Variants in STXBP5L observed in about 807,000 individuals in gnomAD.
STXBP5L encodes syntaxin binding protein 5L, also known as syntaxin-binding protein 5-like.
A neutral mutation model predicts 144.5 loss-of-function variants in STXBP5L; 65 were observed. That is an observed-to-expected ratio of 0.45 (90% CI 0.37 to 0.55). The LOEUF is 0.55. Ranked by LOEUF, STXBP5L falls within the 20% of genes least tolerant of loss-of-function variation. The probability of loss-of-function intolerance (pLI) is 0.00; values close to 1 mark genes in which losing one functional copy is unlikely to be tolerated. For synonymous variants in STXBP5L, 505 were observed against 469.6 expected, an observed-to-expected ratio of 1.08 and a Z score of -0.97; for missense variants, 1,298 against 1,405.5, an observed-to-expected ratio of 0.92 and a Z score of 1.22.
In STXBP5L at chr3:121,320,488, C is replaced by T. The variant is rs1171569237; in HGVS notation, c.2176+1948C>T. ...TCTAAAGGAAAAAATTGGCTAGGGC[C>T]TTCAATACAATGTTGAATAGATGTG... On this transcript the variant is annotated intron_variant, in intron 20 of 26. Coordinates refer to ENST00000471454, the MANE Select transcript of STXBP5L (RefSeq NM_001308330.2). 2.6e-5 allele frequency among the ~76,000 whole-genome samples: 4 copies of T among 151,928 alleles called. No homozygotes were observed. The East Asian group carries it at 7.7e-4, about 29-fold the overall frequency.
intron 24 of STXBP5L, among the ~76,000 whole-genome samples, chr3:121,414,041 T>C (rs895765847): frequency 6.6e-6 from 1 of 152,190 alleles, no homozygotes; most frequent in Non-Finnish European, 1.5e-5. Flanking sequence ...TGTCAGAATT[T>C]AGTAAGAATT....
intron 3 of STXBP5L, among the ~76,000 whole-genome samples, chr3:121,000,795 A>T (rs1943710890): frequency 6.6e-6 from 1 of 151,940 alleles, no homozygotes; most frequent in South Asian, 2.1e-4. Context: ...TTTTCTTTTT[A>T]TATTCTTTGC....
At position 121,109,788 on chromosome 3, in the gene STXBP5L, A is replaced by G. The variant is rs141500182; in HGVS notation, c.471-5137A>G. 9.2e-4 allele frequency among the ~76,000 whole-genome samples: 140 copies of G among 152,142 alleles called. 1 individual carries two copies. Among genetic ancestry groups the G allele is most frequent in the African/African-American group, 3.2e-3 (131 of 41,556 alleles). The stretch of plus-strand genomic sequence containing the variant: ...AGATTCTTATCAACTTTCTGTGTCA[A>G]TGATCTAATATTGACAGTGAAATAT... On this transcript the variant is annotated intron_variant, in intron 5 of 26. Transcript: ENST00000471454.
At position 121,091,327 on chromosome 3, in the gene STXBP5L, A is replaced by G. The variant is rs1008353092; in HGVS notation, c.471-23598A>G. Among the ~76,000 whole-genome samples, 12 of 147,716 alleles carry G rather than the reference A, an allele frequency of 8.1e-5. 1 individual carries two copies. Among genetic ancestry groups the G allele is most frequent in the Non-Finnish European group, 1.8e-4 (12 of 67,770 alleles). The stretch of plus-strand genomic sequence containing the variant: ...GATGGCTGGGTCAAATGGTATTTCT[A>G]GTTTTAGAACCCTGAGGAATCGCCA... On this transcript the variant is annotated intron_variant, in intron 5 of 26. Coordinates refer to ENST00000471454, the MANE Select transcript of STXBP5L (RefSeq NM_001308330.2).
chr3:121,413,739 T>C (rs1224849925), intron 24 of STXBP5L, among the ~76,000 whole-genome samples: 2 of 152,114 alleles, frequency 1.3e-5, no homozygotes, highest in African/African-American at 2.4e-5. Flanking sequence ...ATCCTGTGGG[T>C]TAGAATTGAG....
At chr3:121,023,757 A>G (rs937989895) in intron 3 of STXBP5L, among the ~76,000 whole-genome samples, 2 of 152,150 alleles carry the variant, frequency 1.3e-5, no homozygotes, top group African/African-American at 4.8e-5. Flanking sequence ...TAAATCTAAG[A>G]CCTGACACCA....
intron 2 of STXBP5L, among the ~76,000 whole-genome samples, chr3:120,910,045 T>A (rs1255938883): frequency 6.6e-6 from 1 of 152,232 alleles, no homozygotes; most frequent in Non-Finnish European, 1.5e-5. Flanking sequence ...AATATTTGTG[T>A]ATTATATTAA....
At chr3:121,092,265 G>C (rs1460539326) in intron 5 of STXBP5L, among the ~76,000 whole-genome samples, 2 of 151,762 alleles carry the variant, frequency 1.3e-5, no homozygotes, top group African/African-American at 4.8e-5. Context: ...CTCTTTCTTG[G>C]TTCCATATGA....
At chr3:120,965,758 G>C (rs538166291) in intron 3 of STXBP5L, among the ~76,000 whole-genome samples, 1 of 152,030 alleles carries the variant, frequency 6.6e-6, no homozygotes, top group African/African-American at 2.4e-5. Context: ...TGTGTCTTGG[G>C]GTTGCTCTTC....
intron 9 of STXBP5L, among the ~76,000 whole-genome samples, chr3:121,186,820 T>C (rs1456876847): frequency 6.6e-6 from 1 of 152,136 alleles, no homozygotes; most frequent in East Asian, 1.9e-4. Context: ...AAAATGCTCA[T>C]CATCACTGGC....
At chr3:120,987,519 C>T (rs1942400760) in intron 3 of STXBP5L, among the ~76,000 whole-genome samples, 1 of 151,266 alleles carries the variant, frequency 6.6e-6, no homozygotes. Flanking sequence ...GAGACTAGTC[C>T]TTTGTTGGAT....
intron 9 of STXBP5L, among the ~76,000 whole-genome samples, chr3:121,190,769 C>T (rs1432928633): frequency 6.7e-6 from 1 of 149,906 alleles, no homozygotes; most frequent in Non-Finnish European, 1.5e-5. Context: ...CGGAGGGGCT[C>T]CTCAATTCCC....
chr3:121,175,519 T>C (rs2046899386), intron 9 of STXBP5L, among the ~76,000 whole-genome samples: 1 of 152,104 alleles, frequency 6.6e-6, no homozygotes, highest in Non-Finnish European at 1.5e-5. Flanking sequence ...ACATTTTAAA[T>C]TTTAAGTTTT....
intron 5 of STXBP5L, among the ~76,000 whole-genome samples, chr3:121,101,529 A>C (rs1559746842): frequency 6.6e-6 from 1 of 152,140 alleles, no homozygotes; most frequent in African/African-American, 2.4e-5. Context: ...AAAATCTAAC[A>C]TCTCTTCATA....
At chr3:121,361,403 C>T (rs2045708430) in intron 20 of STXBP5L, among the ~76,000 whole-genome samples, 1 of 152,080 alleles carries the variant, frequency 6.6e-6, no homozygotes, top group African/African-American at 2.4e-5. Flanking sequence ...TTCCCTACCC[C>T]CCCTTTAAGG....
intron 2 of STXBP5L, among the ~76,000 whole-genome samples, chr3:120,951,759 G>T (rs1316759422): frequency 6.6e-6 from 1 of 152,082 alleles, no homozygotes; most frequent in Non-Finnish European, 1.5e-5. Flanking sequence ...ATTCCTCAGG[G>T]ATCTAGAACT....
chr3:121,114,095 T>C (rs1235118823), intron 5 of STXBP5L, among the ~76,000 whole-genome samples: 1 of 152,128 alleles, frequency 6.6e-6, no homozygotes, highest in East Asian at 1.9e-4. Context: ...CTCCTTCTCT[T>C]TTGTGGAGTA....
chr3:121,357,653 A>T (rs1215012088), intron 20 of STXBP5L: 1 of 152,242 alleles, frequency 6.6e-6, no homozygotes, highest in Non-Finnish European at 1.5e-5. Context: ...CTCTGAAAGA[A>T]GTTGCTGCCT....
At chr3:121,360,032 TATATA>T (rs2045661771) in intron 20 of STXBP5L, among the ~76,000 whole-genome samples, 1 of 145,754 alleles carries the variant, frequency 6.9e-6, no homozygotes, top group South Asian at 2.1e-4. Flanking sequence ...ATATTATTAC[TATATA>T]ATATAATATA....
Sources: gnomAD v4.1 joint callset for allele counts (sites outside exome capture counted in the v4.1 genomes callset) on GRCh38, gnomAD v4.1.1 for gene constraint, MANE v1.5 for transcripts, NCBI Gene and HGNC (gene_info 2026-07-23, HGNC 2026-07-21) for gene names.